The following XKR6 variants were observed in gnomAD, a reference collection of about 807,000 sequenced individuals.
XKR6 encodes the protein XK related 6.
Under a neutral mutation model 56.7 loss-of-function variants are expected in XKR6, and 22 were observed. That is an observed-to-expected ratio of 0.39 (90% CI 0.28 to 0.55). The LOEUF (loss-of-function observed/expected upper bound fraction) is 0.55. Ranked by LOEUF, XKR6 falls within the 20% of genes least tolerant of loss-of-function variation. The probability of loss-of-function intolerance (pLI) is 0.66; values close to 1 mark genes in which losing one functional copy is unlikely to be tolerated. For synonymous variants in XKR6, 524 were observed against 387.8 expected, an observed-to-expected ratio of 1.35 and a Z score of -4.13; for missense variants, 852 against 889.0, an observed-to-expected ratio of 0.96 and a Z score of 0.53.
chr8:11,197,949 A>G (rs1803981867), intron 1 of XKR6, among the ~76,000 whole-genome samples: 1 of 152,250 alleles, frequency 6.6e-6, no homozygotes, highest in African/African-American at 2.4e-5. Context: ...TAATGGAATC[A>G]GTTTTGACAA....
At chr8:10,946,457 T>G (rs761006468) in intron 1 of XKR6, among the ~76,000 whole-genome samples, 9 of 152,050 alleles carry the variant, frequency 5.9e-5, no homozygotes, top group Non-Finnish European at 1.2e-4. Flanking sequence ...AGTGTCCTTT[T>G]TCGGCCCATA....
intron 1 of XKR6, among the ~76,000 whole-genome samples, chr8:11,008,574 C>T (rs974496937): frequency 1.3e-5 from 2 of 152,102 alleles, no homozygotes; most frequent in African/African-American, 4.8e-5. Context: ...GTGCATGCCA[C>T]CATGCCTGGC....
At chr8:11,160,888 G>C (rs1054617354) in intron 1 of XKR6, among the ~76,000 whole-genome samples, 4 of 128,324 alleles carry the variant, frequency 3.1e-5, no homozygotes, top group African/African-American at 1.3e-4. Context: ...CTCCAGCCTG[G>C]GCAACAGAAC....
At chr8:11,150,315 T>C (rs1012959747) in intron 1 of XKR6, among the ~76,000 whole-genome samples, 2 of 152,228 alleles carry the variant, frequency 1.3e-5, no homozygotes, top group Non-Finnish European at 2.9e-5. Flanking sequence ...ATACATTCTA[T>C]CCATGTAACA....
At chr8:11,079,465 G>A (rs1563122407) in intron 1 of XKR6, among the ~76,000 whole-genome samples, 1 of 152,168 alleles carries the variant, frequency 6.6e-6, no homozygotes, top group Non-Finnish European at 1.5e-5. Flanking sequence ...AATAAAATCT[G>A]TCTATCTGCA....
intron 1 of XKR6, among the ~76,000 whole-genome samples, chr8:11,067,649 G>T (rs996658357): frequency 6.6e-6 from 1 of 152,262 alleles, no homozygotes; most frequent in African/African-American, 2.4e-5. Context: ...CAGCTGAGGG[G>T]AGTTGAGACA....
intron 1 of XKR6, among the ~76,000 whole-genome samples, chr8:10,965,468 G>C (rs1411018366): frequency 1.3e-5 from 2 of 152,220 alleles, no homozygotes; most frequent in African/African-American, 4.8e-5. Flanking sequence ...GGCACCTCGT[G>C]CGCAGAGAAC....
chr8:11,006,863 G>T (rs1204498322), intron 1 of XKR6, among the ~76,000 whole-genome samples: 1 of 152,196 alleles, frequency 6.6e-6, no homozygotes, highest in Non-Finnish European at 1.5e-5. Context: ...GTTTATAGAA[G>T]CCCATCTCTA....
At chr8:11,054,977 G>T (rs1237037083) in intron 1 of XKR6, among the ~76,000 whole-genome samples, 2 of 152,186 alleles carry the variant, frequency 1.3e-5, no homozygotes, top group East Asian at 1.9e-4. Flanking sequence ...TGCAGGAGGG[G>T]AATGTCAAAA....
intron 1 of XKR6, chr8:11,138,711 G>A (rs1296362532): frequency 6.6e-6 from 1 of 152,082 alleles, no homozygotes; most frequent in Non-Finnish European, 1.5e-5. Flanking sequence ...ACAACCAAGA[G>A]GTCTTCAGGT....
At chr8:11,181,346 A>G (rs1288649542) in intron 1 of XKR6, among the ~76,000 whole-genome samples, 1 of 152,190 alleles carries the variant, frequency 6.6e-6, no homozygotes, top group Non-Finnish European at 1.5e-5. Flanking sequence ...CAATGTTTTG[A>G]CTTTTAGACA....
At chr8:10,911,140 T>G (rs1016997144) in intron 2 of XKR6, among the ~76,000 whole-genome samples, 1 of 152,016 alleles carries the variant, frequency 6.6e-6, no homozygotes, top group African/African-American at 2.4e-5. Flanking sequence ...GTTTACTGTT[T>G]GTGAGCCGTG....
At chr8:11,189,709 G>A (rs1803450531) in intron 1 of XKR6, among the ~76,000 whole-genome samples, 2 of 152,150 alleles carry the variant, frequency 1.3e-5, no homozygotes, top group Non-Finnish European at 2.9e-5. Context: ...TCTCATCCCT[G>A]TCTGTGTACT....
intron 2 of XKR6, among the ~76,000 whole-genome samples, chr8:10,904,237 G>A (rs1024336869): frequency 6.6e-6 from 1 of 152,208 alleles, no homozygotes; most frequent in African/African-American, 2.4e-5. Flanking sequence ...GCTGACCTTA[G>A]TGCAGTGCCA....
rs191244634 is a variant in XKR6, at chr8:11,146,084, G to A, written c.764+54492C>T. On this transcript the variant is annotated intron_variant, in intron 1 of 2. Transcript: ENST00000416569. ...AAAGGGGCAAGGGCAATTCAGTAAA[G>A]AAAGAATAGCCTTTCAACAAATAGT... Among the ~76,000 whole-genome samples the A allele has an allele frequency of 2.1e-3, 326 of 152,212 alleles. 1 individual carries two copies. Among genetic ancestry groups the A allele is most frequent in the African/African-American group, 7.3e-3 (304 of 41,540 alleles).
intron 1 of XKR6, among the ~76,000 whole-genome samples, chr8:11,168,611 G>A (rs780292942): frequency 6.6e-6 from 1 of 152,090 alleles, no homozygotes; most frequent in Non-Finnish European, 1.5e-5. Flanking sequence ...AAGTTTACAT[G>A]GAATACTCTC....
At chr8:11,028,133 T>A (rs534531762) in intron 1 of XKR6, among the ~76,000 whole-genome samples, 1 of 128,826 alleles carries the variant, frequency 7.8e-6, no homozygotes, top group African/African-American at 2.9e-5. Flanking sequence ...CCTGCCTCCC[T>A]CCAACCCCGG....
At chr8:10,933,333 C>A in intron 1 of XKR6, among the ~76,000 whole-genome samples, 1 of 98,458 alleles carries the variant, frequency 1.0e-5, no homozygotes, top group African/African-American at 5.3e-5. Flanking sequence ...AAAATTTTCT[C>A]CCATGTTGTA....
intron 2 of XKR6, among the ~76,000 whole-genome samples, chr8:10,912,631 G>A (rs11781770): frequency 8.2e-6 from 1 of 122,262 alleles, no homozygotes; most frequent in African/African-American, 3.3e-5. Context: ...GTATATATAT[G>A]TAAAGAGAGA....
Sources: allele counts gnomAD v4.1 joint callset (sites outside exome capture counted in the v4.1 genomes callset), GRCh38; gene constraint gnomAD v4.1.1; transcripts MANE v1.5; gene names NCBI Gene and HGNC (gene_info 2026-07-23, HGNC 2026-07-21).